DNER: variants seen among roughly 807,000 people sequenced by gnomAD.
DNER encodes delta and Notch-like epidermal growth factor-related receptor.
In DNER, 33 loss-of-function variants were observed where a neutral mutation model predicts 78.2. That is an observed-to-expected ratio of 0.42 (90% confidence interval 0.32 to 0.56). The LOEUF (loss-of-function observed/expected upper bound fraction) is 0.56. Ranked by LOEUF, DNER falls within the 20% of genes least tolerant of loss-of-function variation. The probability of loss-of-function intolerance (pLI) is 0.11; values close to 1 mark genes in which losing one functional copy is unlikely to be tolerated. For synonymous variants in DNER, 417 were observed against 384.8 expected, an observed-to-expected ratio of 1.08 and a Z score of -0.98; for missense variants, 918 against 975.3, an observed-to-expected ratio of 0.94 and a Z score of 0.78.
chr2:229,599,676 A>G (rs538069952), intron 1 of DNER, among the ~76,000 whole-genome samples: 74 of 152,366 alleles, frequency 4.9e-4, no homozygotes, highest in African/African-American at 1.8e-3. Flanking sequence ...TTTAAAATGC[A>G]ACACTATCAT....
intron 8 of DNER, among the ~76,000 whole-genome samples, chr2:229,446,230 A>G (rs1559353893): frequency 1.3e-5 from 2 of 152,348 alleles, no homozygotes; most frequent in East Asian, 3.9e-4. Flanking sequence ...AGTGCTCACT[A>G]AATAGTGGCT....
At chr2:229,525,479 T>G (rs1696190358) in intron 5 of DNER, among the ~76,000 whole-genome samples, 1 of 152,182 alleles carries the variant, frequency 6.6e-6, no homozygotes, top group Non-Finnish European at 1.5e-5. Context: ...ATTGATATAG[T>G]CTAAATTCCA....
At chr2:229,480,646 C>T (rs571349837) in intron 6 of DNER, among the ~76,000 whole-genome samples, 1 of 152,148 alleles carries the variant, frequency 6.6e-6, no homozygotes, top group Non-Finnish European at 1.5e-5. Context: ...GTCATAACAG[C>T]TTCGGGACCT....
At chr2:229,471,266 G>T (rs1694920207) in intron 7 of DNER, among the ~76,000 whole-genome samples, 1 of 152,030 alleles carries the variant, frequency 6.6e-6, no homozygotes, top group South Asian at 2.1e-4. Flanking sequence ...GCTATTGCCT[G>T]CAAATCCCTT....
chr2:229,422,066 A>T (rs1005931007), intron 8 of DNER, among the ~76,000 whole-genome samples: 1 of 152,030 alleles, frequency 6.6e-6, no homozygotes, highest in Non-Finnish European at 1.5e-5. Context: ...TTGGGGGGGA[A>T]AAAAGATAAA....
chr2:229,653,722 C>T lies in DNER; in HGVS notation c.276+60426G>A, dbSNP rs144297276. Among the ~76,000 whole-genome samples, 376 of 152,292 alleles carry T rather than the reference C, an allele frequency of 2.5e-3. 1 individual carries two copies. Among genetic ancestry groups the T allele is most frequent in the African/African-American group, 7.9e-3 (329 of 41,560 alleles). On this transcript the variant is annotated intron_variant, in intron 1 of 12. Transcript: ENST00000341772. Reference sequence around the variant, plus strand: ...GTAAAACCAGCTCCCATTAAGTTTCCGTGAATCCATCTCCTACAGCTGTGA... The same window carrying T: ...GTAAAACCAGCTCCCATTAAGTTTCTGTGAATCCATCTCCTACAGCTGTGA...
intron 1 of DNER, among the ~76,000 whole-genome samples, chr2:229,682,716 T>G (rs909755272): frequency 1.3e-5 from 2 of 151,992 alleles, no homozygotes; most frequent in Admixed American, 6.6e-5. Context: ...GGCGTGGTGG[T>G]GGGGGCCTGT....
At chr2:229,665,457 A>C (rs1001715059) in intron 1 of DNER, among the ~76,000 whole-genome samples, 8 of 152,210 alleles carry the variant, frequency 5.3e-5, no homozygotes, top group Non-Finnish European at 1.0e-4. Flanking sequence ...GATTTAAAAC[A>C]GTCTAATAAC....
At chr2:229,509,043 A>C (rs1383680220) in intron 6 of DNER, among the ~76,000 whole-genome samples, 3 of 152,248 alleles carry the variant, frequency 2.0e-5, no homozygotes, top group Admixed American at 6.5e-5. Flanking sequence ...GTTGTCAGAA[A>C]CAACTTCTGT....
intron 12 of DNER, among the ~76,000 whole-genome samples, chr2:229,365,494 T>C (rs548859663): frequency 3.7e-4 from 57 of 152,226 alleles, no homozygotes; most frequent in Non-Finnish European, 7.5e-4. Context: ...TGGAGTGCAG[T>C]GGTGCCATCT....
At chr2:229,689,245 T>A (rs1457785689) in intron 1 of DNER, among the ~76,000 whole-genome samples, 2 of 152,204 alleles carry the variant, frequency 1.3e-5, no homozygotes, top group African/African-American at 4.8e-5. Context: ...ACTCCCCTCC[T>A]TGGTCCTGGG....
Position 229,555,134 on chromosome 2 carries a change from C to T in DNER, c.848-8042G>A, listed in dbSNP as rs190130106. Among the ~76,000 whole-genome samples the T allele has an allele frequency of 3.6e-4, 55 of 152,172 alleles. No individual in the cohort carries two copies. In the East Asian group the frequency reaches 5.4e-3, roughly 15 times the overall value. On this transcript the variant is annotated intron_variant, in intron 4 of 12. Coordinates refer to ENST00000341772, the MANE Select transcript of DNER (RefSeq NM_139072.4). Reference sequence around the variant, plus strand: ...AGGAGACAAATATCTCTTGGTGTCTCAGTAAAGACAGGCACCACAGGTCTG... The same window carrying T: ...AGGAGACAAATATCTCTTGGTGTCTTAGTAAAGACAGGCACCACAGGTCTG...
intron 1 of DNER, among the ~76,000 whole-genome samples, chr2:229,663,364 T>A (rs1298509654): frequency 2.6e-5 from 4 of 152,188 alleles, no homozygotes; most frequent in Non-Finnish European, 5.9e-5. Context: ...TTTTTTTCCA[T>A]GACTTGACTC....
intron 4 of DNER, among the ~76,000 whole-genome samples, chr2:229,569,726 T>C (rs1697182270): frequency 6.6e-6 from 1 of 152,184 alleles, no homozygotes; most frequent in Non-Finnish European, 1.5e-5. Context: ...TACATTATTA[T>C]TGTTTATTTT....
chr2:229,419,973 G>T (rs897378371), intron 8 of DNER, among the ~76,000 whole-genome samples: 3 of 149,118 alleles, frequency 2.0e-5, no homozygotes, highest in African/African-American at 7.5e-5. Flanking sequence ...TCTACAGGAG[G>T]CTGCGCAGGA....
At position 229,589,909 on chromosome 2, in the gene DNER, C is replaced by CAA. The variant is rs34805706; in HGVS notation, c.586-1423_586-1422dup. Among the ~76,000 whole-genome samples, 1,153 of 137,356 alleles carry CAA rather than the reference C, an allele frequency of 8.4e-3. 20 individuals are homozygous for CAA. The highest frequency in any genetic ancestry group is 0.057 in the East Asian group (274 of 4,834). 90.1% of individuals were successfully genotyped at this position (137,356 alleles called of 152,430 possible). On this transcript the variant is annotated intron_variant, in intron 2 of 12. Coordinates refer to ENST00000341772, the MANE Select transcript of DNER (RefSeq NM_139072.4). ...GGCCTTCATAAGCTGTGTGGTAATACAAAAAAAAAAAAAAAGTGGGTCAAC... is the reference window on the plus strand; with the variant it reads ...GGCCTTCATAAGCTGTGTGGTAATACAAAAAAAAAAAAAAAAAGTGGGTCAAC...
chr2:229,549,446 C>T (rs926636239), intron 4 of DNER, among the ~76,000 whole-genome samples: 1 of 152,174 alleles, frequency 6.6e-6, no homozygotes, highest in African/African-American at 2.4e-5. Flanking sequence ...GCTGAGATTA[C>T]AGGCACCTGC....
chr2:229,680,728 G>C (rs866933896), intron 1 of DNER, among the ~76,000 whole-genome samples: 2 of 152,168 alleles, frequency 1.3e-5, no homozygotes, highest in Non-Finnish European at 2.9e-5. Flanking sequence ...ACTAATGATT[G>C]CCTTTTCATA....
At chr2:229,428,869 GAGAGGA>G (rs978252617) in intron 8 of DNER, among the ~76,000 whole-genome samples, 30 of 152,116 alleles carry the variant, frequency 2.0e-4, no homozygotes, top group African/African-American at 5.8e-4. Flanking sequence ...GGGATGGGTA[GAGAGGA>G]AGAGCAAAAG....
Sources: gnomAD v4.1 joint callset for allele counts (sites outside exome capture counted in the v4.1 genomes callset) on GRCh38, gnomAD v4.1.1 for gene constraint, MANE v1.5 for transcripts, NCBI Gene and HGNC (gene_info 2026-07-23, HGNC 2026-07-21) for gene names.